AK2: variants seen among roughly 807,000 people sequenced by gnomAD.
AK2 encodes adenylate kinase 2, mitochondrial.
A neutral mutation model predicts 24.6 loss-of-function variants in AK2; 15 were observed. The ratio of observed to expected loss-of-function variants is 0.61; its 90% CI spans 0.41 to 0.94. AK2 has a LOEUF of 0.94. Among genes scored for constraint, AK2 ranks in the 40% least tolerant of loss-of-function variants. The pLI is 0.00. For missense variants in AK2, 257 were observed against 304.1 expected (o/e 0.85, Z 1.15); for synonymous variants, 102 against 114.0 (o/e 0.90, Z 0.67).
At chr1:33,024,238 C>T in intron 2 of AK2, 2 of 690,184 alleles carry the variant, frequency 2.9e-6, no homozygotes, top group Non-Finnish European at 2.5e-6. Context: ...CATGGTTGTT[C>T]AACAGAATTT....
rs1557608834 is a variant in AK2 at position 33,012,120 on chromosome 1, A to C, written c.*1061T>G. On this transcript the variant is annotated 3_prime_UTR_variant, in exon 6 of 6. Coordinates refer to ENST00000672715, the MANE Select transcript of AK2 (RefSeq NM_001625.4). ...TAGATTTGACTGCTCTCAGATGATC[A>C]GCCTGGATGTTCAGAAGACAATCTG... The C allele has an allele frequency of 6.5e-6, 10 of 1,535,494 alleles. No individual in the cohort carries two copies. The highest frequency in any genetic ancestry group is 8.7e-6 in the Non-Finnish European group (10 of 1,146,732).
intron 1 of AK2, among the ~76,000 whole-genome samples, chr1:33,035,683 T>C (rs1208629123): frequency 6.6e-6 from 1 of 152,096 alleles, no homozygotes; most frequent in African/African-American, 2.4e-5. Context: ...TATGGCCCCA[T>C]TATGTCCCAG....
chr1:33,012,007 T>G lies in AK2; in HGVS notation c.*1174A>C. 6.5e-7 allele frequency: 1 copy of G among 1,535,328 alleles called. No homozygotes were observed. The highest frequency in any genetic ancestry group is 1.2e-5 in the South Asian group (1 of 84,052). On this transcript the variant is annotated 3_prime_UTR_variant, in exon 6 of 6. Transcript: ENST00000672715. ...TGATCAAAATGAATCCAAGAATAGA[T>G]CACACACTGTTTTGTTCACACTTGG... is the stretch of plus-strand genomic sequence containing the variant.
chr1:33,021,879 C>T (rs987000585), intron 2 of AK2, among the ~76,000 whole-genome samples, 176 bp from the exon 3 acceptor site: 1 of 151,934 alleles, frequency 6.6e-6, no homozygotes, highest in East Asian at 1.9e-4. Context: ...TTTGGAAGAT[C>T]CAGTTTCATA....
Position 33,021,636 on chromosome 1 carries a change from A to G in AK2, c.287T>C (p.Phe96Ser), listed in dbSNP as rs1158584672. Residue 96 changes from phenylalanine to serine, a missense_variant, in exon 3 of 6, where the codon TTT becomes TCT. By Grantham distance (155) the Phe-to-Ser change is radical. Transcript: ENST00000672715. The part of the protein sequence containing the change: ...NLETPLCKNG[F>S]LLDGFPRTVR... ...AGTCCGAGGGAAGCCATCCAGAAGAAAACCATTTTTGCACAAGGGGGTCTC... is the reference window on the plus strand; with the variant it reads ...AGTCCGAGGGAAGCCATCCAGAAGAGAACCATTTTTGCACAAGGGGGTCTC... The G allele has an allele frequency of 6.2e-7, 1 of 1,614,216 alleles. No individual in the cohort carries two copies. The highest frequency in any genetic ancestry group is 8.5e-7 in the Non-Finnish European group (1 of 1,180,050).
chr1:33,012,183 C>T lies in AK2; in HGVS notation c.*998G>A. The T allele has an allele frequency of 1.3e-6, 2 of 1,535,450 alleles. No individual in the cohort carries two copies. The highest frequency in any genetic ancestry group is 2.4e-5 in the South Asian group (2 of 84,054). On this transcript the variant is annotated 3_prime_UTR_variant, in exon 6 of 6. Transcript: ENST00000672715. ...CCTTTCACCTGGTTTAATTCTCTGGCAACAATTCAGTTTTCAAACCCAATT... is the reference window on the plus strand; with the variant it reads ...CCTTTCACCTGGTTTAATTCTCTGGTAACAATTCAGTTTTCAAACCCAATT...
rs1459058849 is a variant in AK2 at position 33,011,774 on chromosome 1, T to C, written c.*1407A>G. On this transcript the variant is annotated 3_prime_UTR_variant, in exon 6 of 6. Transcript: ENST00000672715. ...AGGGACCTTAGAAAATGCTCAATAGTTGGGAAGCTAAGGTTATGAATAAAA... is the reference window on the plus strand; with the variant it reads ...AGGGACCTTAGAAAATGCTCAATAGCTGGGAAGCTAAGGTTATGAATAAAA... 29 of 1,430,036 alleles carry C rather than the reference T, an allele frequency of 2.0e-5. No individual in the cohort carries two copies. In the Admixed American group the frequency reaches 5.6e-4, roughly 28 times the overall value. The allele number at this position is 1,430,036 out of a possible 1,614,324, so 88.6% of individuals were successfully genotyped here. A position where few individuals can be genotyped will look rare whatever the true frequency, so the allele number is the denominator to read the frequency against.
rs779784426 is a variant in AK2 at position 33,009,627 on chromosome 1, G to C, written c.*3554C>G. The C allele has an allele frequency of 5.1e-5, 23 of 454,008 alleles. No individual in the cohort carries two copies. Among genetic ancestry groups the C allele is most frequent in the Non-Finnish European group, 8.8e-5 (20 of 226,802 alleles). 28.1% of individuals were successfully genotyped at this position (454,008 alleles called of 1,614,324 possible). A position where few individuals can be genotyped will look rare whatever the true frequency, so the allele number is the denominator to read the frequency against. Reference sequence around the variant, plus strand: ...TAACCAACTTCCTTTTTCAGCTGAGGAAACAGGAGCACAGTGAATAACTAA... The same window carrying C: ...TAACCAACTTCCTTTTTCAGCTGAGCAAACAGGAGCACAGTGAATAACTAA... On this transcript the variant is annotated 3_prime_UTR_variant, in exon 6 of 6. Coordinates refer to ENST00000672715, the MANE Select transcript of AK2 (RefSeq NM_001625.4).
chr1:33,011,825 A>G lies in AK2; in HGVS notation c.*1356T>C, dbSNP rs887500033. 4.0e-6 allele frequency: 6 copies of G among 1,510,132 alleles called. No individual in the cohort carries two copies. In the African/African-American group the frequency reaches 6.9e-5, roughly 17 times the overall value. 93.5% of individuals were successfully genotyped at this position (1,510,132 alleles called of 1,614,324 possible). On this transcript the variant is annotated 3_prime_UTR_variant, in exon 6 of 6. Coordinates refer to ENST00000672715, the MANE Select transcript of AK2 (RefSeq NM_001625.4). Reference sequence around the variant, plus strand: ...GCTGGTAACTGTCACAGGTGGTCTTATTTCTGGGTGATCTTTTCTTGGGGA... The same window carrying G: ...GCTGGTAACTGTCACAGGTGGTCTTGTTTCTGGGTGATCTTTTCTTGGGGA...
Position 33,009,104 on chromosome 1 carries a change from G to A in AK2, c.*4077C>T. 1 of 453,368 alleles carries A rather than the reference G, an allele frequency of 2.2e-6. No individual in the cohort carries two copies. 28.1% of individuals were successfully genotyped at this position (453,368 alleles called of 1,614,324 possible). ...GAGGAAGTGGAGCAGAAGAGGGAGG[G>A]GCTGGTTCAGGGAACAGGATTTAAT... is the stretch of plus-strand genomic sequence containing the variant. On this transcript the variant is annotated 3_prime_UTR_variant, in exon 6 of 6. Coordinates refer to ENST00000672715, the MANE Select transcript of AK2 (RefSeq NM_001625.4).
intron 4 of AK2, chr1:33,019,694 G>A: frequency 9.7e-7 from 1 of 1,026,010 alleles, no homozygotes; most frequent in Non-Finnish European, 1.2e-6. Context: ...TGGAAAAGAT[G>A]TTCAACCTCA....
chr1:33,035,895 A>G lies in AK2; in HGVS notation c.93+841T>C, dbSNP rs1640547721. Among the ~76,000 whole-genome samples the G allele has an allele frequency of 3.9e-5, 6 of 152,330 alleles. No individual in the cohort carries two copies. The South Asian group carries it at 1.2e-3, about 32-fold the overall frequency. ...TAAAATTTCAAGTTCCCTATAAACA[A>G]CAACAAAATAAAAAAAGGAAAAAAT... On this transcript the variant is annotated intron_variant, in intron 1 of 5. Transcript: ENST00000672715.
At chr1:33,019,991 A>T (rs2124318972) in intron 4 of AK2, 1 of 1,467,920 alleles carries the variant, frequency 6.8e-7, no homozygotes, top group East Asian at 2.5e-5. Context: ...GCCCACAATA[A>T]AGAAGGGAAT....
intron 4 of AK2, among the ~76,000 whole-genome samples, chr1:33,018,991 T>A (rs1201082434): frequency 1.3e-5 from 2 of 152,206 alleles, no homozygotes; most frequent in African/African-American, 4.8e-5. Context: ...CTCAACAGCA[T>A]TCCTTCTACC....
intron 4 of AK2, among the ~76,000 whole-genome samples, chr1:33,018,303 C>T (rs2124309712): frequency 6.6e-6 from 1 of 152,158 alleles, no homozygotes; most frequent in East Asian, 1.9e-4. Context: ...ACAATGGGTC[C>T]ATATCATCTC....
intron 1 of AK2, among the ~76,000 whole-genome samples, chr1:33,034,671 A>G (rs1444416739): frequency 6.6e-6 from 1 of 152,198 alleles, no homozygotes; most frequent in Non-Finnish European, 1.5e-5. Flanking sequence ...ATAGCTAGCT[A>G]AATTATAAAA....
chr1:33,008,701 G>A lies in AK2; in HGVS notation c.*4480C>T, dbSNP rs949843063. The A allele has an allele frequency of 2.2e-6, 1 of 454,096 alleles. No individual in the cohort carries two copies. Among genetic ancestry groups the A allele is most frequent in the Admixed American group, 2.3e-5 (1 of 42,580 alleles). The allele number at this position is 454,096 out of a possible 1,614,324, so 28.1% of individuals were successfully genotyped here. On this transcript the variant is annotated 3_prime_UTR_variant, in exon 6 of 6. Transcript: ENST00000672715. ...TGGTTTCCTCACCTATAAAAGTGAAGGACAGTTCTGACTCCACAGGGTGCT... is the reference window on the plus strand; with the variant it reads ...TGGTTTCCTCACCTATAAAAGTGAAAGACAGTTCTGACTCCACAGGGTGCT...
chr1:33,014,005 T>C (rs1639017139), intron 5 of AK2, among the ~76,000 whole-genome samples: 3 of 152,214 alleles, frequency 2.0e-5, no homozygotes, highest in Admixed American at 6.5e-5. Flanking sequence ...ACCCAGGAAA[T>C]TCTTACTGTT....
In AK2 at chr1:33,009,335, T is replaced by C. The variant is rs1210509745; in HGVS notation, c.*3846A>G. The stretch of plus-strand genomic sequence containing the variant: ...TGCTGGAGAGGAAATGAATTTAAAC[T>C]AGGACACACAGAGAAGCAACAAAGA... On this transcript the variant is annotated 3_prime_UTR_variant, in exon 6 of 6. Coordinates refer to ENST00000672715, the MANE Select transcript of AK2 (RefSeq NM_001625.4). 2 of 454,092 alleles carry C rather than the reference T, an allele frequency of 4.4e-6. No individual in the cohort carries two copies. Among genetic ancestry groups the C allele is most frequent in the South Asian group, 1.6e-5 (1 of 64,476 alleles). 28.1% of individuals were successfully genotyped at this position (454,092 alleles called of 1,614,324 possible). A position where few individuals can be genotyped will look rare whatever the true frequency, so the allele number is the denominator to read the frequency against.
Sources: gnomAD v4.1 joint callset for allele counts (sites outside exome capture counted in the v4.1 genomes callset) on GRCh38, gnomAD v4.1.1 for gene constraint, MANE v1.5 for transcripts, NCBI Gene and HGNC (gene_info 2026-07-23, HGNC 2026-07-21) for gene names.